CDC42BPA: variants seen among roughly 807,000 people sequenced by gnomAD.
CDC42BPA encodes the protein CDC42 binding protein kinase alpha.
In CDC42BPA, 80 loss-of-function variants were observed where a neutral mutation model predicts 223.5. The ratio of observed to expected loss-of-function variants is 0.36; its 90% CI spans 0.30 to 0.43. CDC42BPA has a LOEUF of 0.43. Among genes scored for constraint, CDC42BPA ranks in the 20% least tolerant of loss-of-function variants. CDC42BPA has a pLI of 1.00. For synonymous variants in CDC42BPA, 694 were observed against 718.6 expected, an observed-to-expected ratio of 0.97 and a Z score of 0.55; for missense variants, 1,743 against 2,099.9, an observed-to-expected ratio of 0.83 and a Z score of 3.32.
intron 2 of CDC42BPA, among the ~76,000 whole-genome samples, chr1:227,228,091 C>A (rs1677163166): frequency 1.3e-5 from 2 of 149,724 alleles, no homozygotes; most frequent in Admixed American, 1.3e-4. Context: ...GGGAGGGGAA[C>A]AACACACAGT....
chr1:227,131,707 A>G (rs966889981), intron 10 of CDC42BPA, among the ~76,000 whole-genome samples: 3 of 152,206 alleles, frequency 2.0e-5, no homozygotes, highest in Non-Finnish European at 4.4e-5. Flanking sequence ...GGCTTACAAT[A>G]TTGTGGAATC....
intron 1 of CDC42BPA, among the ~76,000 whole-genome samples, chr1:227,266,508 T>TAGA (rs896550712): frequency 2.0e-5 from 3 of 152,206 alleles, no homozygotes; most frequent in Non-Finnish European, 4.4e-5. Flanking sequence ...CGATCACTGT[T>TAGA]AGTTGTATTG....
intron 15 of CDC42BPA, among the ~76,000 whole-genome samples, chr1:227,100,782 G>GCGCGCGCA (rs1684915278): frequency 6.7e-6 from 1 of 149,224 alleles, no homozygotes; most frequent in African/African-American, 2.5e-5. Flanking sequence ...GTGTGTGCGT[G>GCGCGCGCA]TGCCATCATA....
At chr1:227,273,858 A>G (rs1317373031) in intron 1 of CDC42BPA, among the ~76,000 whole-genome samples, 4 of 20,254 alleles carry the variant, frequency 2.0e-4, no homozygotes, top group African/African-American at 3.1e-4. Flanking sequence ...AGAAACAAGG[A>G]AAAAAAAAAA....
At chr1:227,198,206 C>T (rs1017751742) in intron 4 of CDC42BPA, among the ~76,000 whole-genome samples, 3 of 151,628 alleles carry the variant, frequency 2.0e-5, no homozygotes, top group Admixed American at 2.0e-4. Flanking sequence ...ATCCACACAC[C>T]TTAGGGGGTC....
chr1:226,997,658 T>C (rs930198457), intron 35 of CDC42BPA, among the ~76,000 whole-genome samples: 1 of 152,240 alleles, frequency 6.6e-6, no homozygotes, highest in Admixed American at 6.5e-5. Flanking sequence ...GTGTCTTTGT[T>C]CTCATTGGTC....
chr1:227,283,633 G>T (rs1287074118), intron 1 of CDC42BPA, among the ~76,000 whole-genome samples: 6 of 152,200 alleles, frequency 3.9e-5, no homozygotes, highest in Admixed American at 3.9e-4. Context: ...AAAGAGGACA[G>T]AAGTACGGAG....
At chr1:227,099,591 A>T (rs959924089) in intron 15 of CDC42BPA, among the ~76,000 whole-genome samples, 12 of 152,180 alleles carry the variant, frequency 7.9e-5, no homozygotes, top group African/African-American at 2.9e-4. Flanking sequence ...ACAAGGCTTT[A>T]CATGATGTGG....
chr1:227,140,996 A>G (rs1659564127), intron 9 of CDC42BPA, among the ~76,000 whole-genome samples: 1 of 152,252 alleles, frequency 6.6e-6, no homozygotes, highest in Non-Finnish European at 1.5e-5. Flanking sequence ...AGGAATGACC[A>G]GCAAGGTGAG....
At chr1:227,120,814 C>T (rs1488048591) in intron 11 of CDC42BPA, among the ~76,000 whole-genome samples, 1 of 152,160 alleles carries the variant, frequency 6.6e-6, no homozygotes, top group East Asian at 1.9e-4. Flanking sequence ...GTCAGCAATA[C>T]CCAACCTTTT....
At chr1:227,266,349 C>T (rs1684997439) in intron 1 of CDC42BPA, among the ~76,000 whole-genome samples, 1 of 152,188 alleles carries the variant, frequency 6.6e-6, no homozygotes, top group Admixed American at 6.5e-5. Flanking sequence ...TGATGATACG[C>T]TCTTTTAGGA....
Position 227,033,411 on chromosome 1 carries a change from C to T in CDC42BPA, c.3481G>A (p.Glu1161Lys). Residue 1161 changes from glutamate (E) to lysine (K), a missense_variant, in exon 27 of 37, where the codon GAA becomes AAA. By Grantham distance (56) the Glu-to-Lys change is moderately conservative. Coordinates refer to ENST00000366766, the MANE Select transcript of CDC42BPA (RefSeq NM_001394014.1). The part of the protein sequence containing the change: ...VISQVIDMRD[E>K]EFSVSSVLAS... ...AAGACTGAACTCACAGAAAATTCTT[C>T]ATCCCTGAACGAAAAGCAAAGCATT... The T allele has an allele frequency of 6.2e-7, 1 of 1,611,770 alleles. No individual in the cohort carries two copies. Among genetic ancestry groups the T allele is most frequent in the Non-Finnish European group, 8.5e-7 (1 of 1,177,928 alleles).
At chr1:227,276,094 G>A (rs899130055) in intron 1 of CDC42BPA, among the ~76,000 whole-genome samples, 31 of 149,296 alleles carry the variant, frequency 2.1e-4, no homozygotes, top group Admixed American at 6.7e-5. Context: ...CCCTCTGCCC[G>A]GCCGCCCAGT....
chr1:227,066,904 A>G (rs1215408779), intron 21 of CDC42BPA, among the ~76,000 whole-genome samples: 2 of 152,176 alleles, frequency 1.3e-5, no homozygotes, highest in African/African-American at 4.8e-5. Context: ...CAAACCATAC[A>G]CCTAGAAAGT....
At chr1:227,283,839 G>A (rs1292961679) in intron 1 of CDC42BPA, among the ~76,000 whole-genome samples, 3 of 152,208 alleles carry the variant, frequency 2.0e-5, no homozygotes, top group Non-Finnish European at 4.4e-5. Flanking sequence ...GGGAGGCCAG[G>A]GCAGGCAGTT....
chr1:227,257,489 C>CTCACGA (rs56125060), intron 1 of CDC42BPA, among the ~76,000 whole-genome samples: 5 of 150,778 alleles, frequency 3.3e-5, no homozygotes, highest in Admixed American at 3.3e-4. Flanking sequence ...GGCACAGTGG[C>CTCACGA]CTGTAATCCC....
At chr1:227,233,829 A>T (rs1400223600) in intron 2 of CDC42BPA, among the ~76,000 whole-genome samples, 2 of 152,116 alleles carry the variant, frequency 1.3e-5, no homozygotes, top group African/African-American at 4.8e-5. Context: ...GCTACTCAGG[A>T]GGCTGAGGCA....
At chr1:227,264,928 G>C (rs763413788) in intron 1 of CDC42BPA, 1 of 1,220,372 alleles carries the variant, frequency 8.2e-7, no homozygotes, top group Non-Finnish European at 1.2e-6. Context: ...TACCCCACTC[G>C]GTATATTCAT....
At chr1:227,252,435 T>G (rs1317059773) in intron 2 of CDC42BPA, among the ~76,000 whole-genome samples, 2 of 152,190 alleles carry the variant, frequency 1.3e-5, no homozygotes. Flanking sequence ...CTCAGAGGCT[T>G]CACCAGTTAA....
Sources: allele counts gnomAD v4.1 joint callset (sites outside exome capture counted in the v4.1 genomes callset), GRCh38; gene constraint gnomAD v4.1.1; transcripts MANE v1.5; gene names NCBI Gene and HGNC (gene_info 2026-07-23, HGNC 2026-07-21).